The following PUDP variants were observed in gnomAD, a reference collection of about 807,000 sequenced individuals.
The protein encoded by PUDP is pseudouridine 5'-phosphatase, also known as pseudouridine-5'-phosphatase.
PUDP carries 8 observed loss-of-function variants against 9.4 expected under a neutral mutation model. The observed-to-expected ratio is 0.85, with a 90% CI of 0.50 to 1.53. The LOEUF is 1.53. Among genes scored for constraint, PUDP ranks in the 40% most tolerant of loss-of-function variants. PUDP has a pLI of 0.00. For missense variants in PUDP, 188 were observed against 189.7 expected (o/e 0.99, Z 0.05); for synonymous variants, 99 against 80.7 (o/e 1.23, Z -1.22).
chrX:6,840,655 A>G (rs1218819078), intron 3 of PUDP, among the ~76,000 whole-genome samples: 4 of 111,591 alleles, frequency 3.6e-5, no homozygotes, highest in African/African-American at 1.3e-4. Flanking sequence ...ATTACTCTGT[A>G]TGATCCTATA....
At chrX:7,070,988 C>T (rs1446977619) in intron 3 of PUDP, among the ~76,000 whole-genome samples, 2 of 112,417 alleles carry the variant, frequency 1.8e-5, no homozygotes, top group African/African-American at 6.5e-5. Flanking sequence ...GACAGCCTGC[C>T]TGCTCCTGTC....
intron 3 of PUDP, among the ~76,000 whole-genome samples, chrX:6,962,469 T>C (rs1215070331): frequency 2.7e-5 from 3 of 112,082 alleles, no homozygotes; most frequent in African/African-American, 6.5e-5. Flanking sequence ...GATTTGATTC[T>C]ATTATTTCTA....
intron 1 of PUDP, among the ~76,000 whole-genome samples, chrX:6,980,849 C>A (rs1349755103): frequency 9.0e-6 from 1 of 111,004 alleles, no homozygotes; most frequent in Non-Finnish European, 1.9e-5. Flanking sequence ...AGTTTATATG[C>A]ACGTACCACG....
chrX:6,860,726 C>T (rs191469814), intron 3 of PUDP, among the ~76,000 whole-genome samples: 1 of 111,980 alleles, frequency 8.9e-6, no homozygotes, highest in Admixed American at 9.5e-5. Context: ...CCCTCCTCGG[C>T]CTCCCAAAGT....
At chrX:6,716,313 T>C (rs1179461234) in intron 1 of PUDP, among the ~76,000 whole-genome samples, 1 of 111,576 alleles carries the variant, frequency 9.0e-6, no homozygotes, top group Non-Finnish European at 1.9e-5. Context: ...CTGTGCTGAT[T>C]ATTTACTTTA....
At chrX:6,749,198 A>G (rs948289747) in intron 3 of PUDP, among the ~76,000 whole-genome samples, 13 of 112,089 alleles carry the variant, frequency 1.2e-4, no homozygotes, top group Non-Finnish European at 1.7e-4. Context: ...AGGACTTGAG[A>G]CGAATTGGAG....
At chrX:6,784,470 T>C (rs1200890895) in intron 3 of PUDP, among the ~76,000 whole-genome samples, 3 of 111,112 alleles carry the variant, frequency 2.7e-5, no homozygotes, top group African/African-American at 9.8e-5. Flanking sequence ...AGGAAACTGA[T>C]TTACTAGATC....
chrX:7,065,654 T>C (rs755838876), intron 3 of PUDP, among the ~76,000 whole-genome samples: 164 of 112,405 alleles, frequency 1.5e-3, no homozygotes, highest in Admixed American at 2.8e-3. Flanking sequence ...ACAAGCATTG[T>C]GGAGGCCAGA....
intron 2 of PUDP, among the ~76,000 whole-genome samples, chrX:7,085,964 T>A (rs1346914259): frequency 1.8e-5 from 2 of 112,133 alleles, no homozygotes; most frequent in African/African-American, 3.2e-5. Context: ...TTCCAGCCAC[T>A]CCTGCAGACA....
intron 3 of PUDP, among the ~76,000 whole-genome samples, chrX:6,927,761 C>A (rs1480645439): frequency 9.0e-6 from 1 of 111,371 alleles, no homozygotes; most frequent in Non-Finnish European, 1.9e-5. Context: ...AGCTTATATA[C>A]CATCTGAGGT....
At chrX:7,119,805 C>T (rs771589817) in intron 1 of PUDP, among the ~76,000 whole-genome samples, 5 of 111,861 alleles carry the variant, frequency 4.5e-5, no homozygotes, top group Non-Finnish European at 9.4e-5. Context: ...CTAGACCATA[C>T]CTATCTGTAT....
At chrX:6,964,397 G>C (rs986251348) in intron 3 of PUDP, among the ~76,000 whole-genome samples, 2 of 112,337 alleles carry the variant, frequency 1.8e-5, no homozygotes, top group Non-Finnish European at 3.8e-5. Context: ...ATTGAGATGG[G>C]CACAGTGGCT....
intron 1 of PUDP, among the ~76,000 whole-genome samples, chrX:7,143,389 C>T (rs1326760196): frequency 4.5e-5 from 5 of 111,794 alleles, no homozygotes; most frequent in Non-Finnish European, 9.4e-5. Flanking sequence ...AACCATATTG[C>T]TTTTATTTGA....
chrX:6,714,082 G>C (rs1428951381), intron 1 of PUDP, among the ~76,000 whole-genome samples: 1 of 110,691 alleles, frequency 9.0e-6, no homozygotes, highest in Non-Finnish European at 1.9e-5. Flanking sequence ...TGAAGAAACA[G>C]GGTTTTACTA....
chrX:6,973,192 C>T (rs867777307), intron 3 of PUDP, among the ~76,000 whole-genome samples: 1 of 110,716 alleles, frequency 9.0e-6, no homozygotes, highest in Non-Finnish European at 1.9e-5. Context: ...AAGAGTTTTT[C>T]ATGTCTCTAT....
At chrX:6,831,125 G>A (rs1382647905) in intron 3 of PUDP, among the ~76,000 whole-genome samples, 1 of 111,224 alleles carries the variant, frequency 9.0e-6, no homozygotes, top group Non-Finnish European at 1.9e-5. Context: ...TCCTGGGTGG[G>A]GGCCACAAGA....
intron 1 of PUDP, among the ~76,000 whole-genome samples, chrX:7,120,112 CTGAACTTTACAACTCAG>C (rs61361750): frequency 0.33 from 36,010 of 110,476 alleles, 4,560 homozygotes; most frequent in Middle Eastern, 0.47. Context: ...ACGTAAGGAA[CTGAACTTTACAACTCAG>C]TGATGACGCA....
At chrX:6,829,949 C>T (rs1180028635) in intron 3 of PUDP, among the ~76,000 whole-genome samples, 2 of 110,327 alleles carry the variant, frequency 1.8e-5, no homozygotes, top group Non-Finnish European at 3.8e-5. Flanking sequence ...GAGGGATTCA[C>T]CACATTAATC....
chrX:6,926,115 T>A (rs182015514), intron 3 of PUDP, among the ~76,000 whole-genome samples: 1 of 111,716 alleles, frequency 9.0e-6, no homozygotes, highest in African/African-American at 3.3e-5. Flanking sequence ...TGGGATCCCC[T>A]TGGCCAAGAC....
Sources: allele counts gnomAD v4.1 joint callset (sites outside exome capture counted in the v4.1 genomes callset), GRCh38; gene constraint gnomAD v4.1.1; transcripts MANE v1.5; gene names NCBI Gene and HGNC (gene_info 2026-07-23, HGNC 2026-07-21).